Variants in ENTREP2 observed in about 807,000 individuals in gnomAD.
ENTREP2 encodes endosomal transmembrane epsin interactor 2.
chr15:29,306,551 G>A, the ENTREP2 span, among the ~76,000 whole-genome samples: 1 of 151,202 alleles, frequency 6.6e-6, no homozygotes, highest in South Asian at 2.1e-4. Flanking sequence ...ATTTTTAAAA[G>A]CACATACTTG....
At chr15:29,552,511 A>T in the ENTREP2 span, among the ~76,000 whole-genome samples, 1 of 152,056 alleles carries the variant, frequency 6.6e-6, no homozygotes, top group African/African-American at 2.4e-5. Context: ...AGGTGGGAGG[A>T]TCACTTGAGC....
the ENTREP2 span, chr15:29,235,152 G>A: frequency 1.5e-4 from 126 of 831,660 alleles, no homozygotes; most frequent in Middle Eastern, 9.4e-4. Context: ...CTGCCTGAGC[G>A]AGGTGGGAGG....
chr15:29,635,406 G>A, the ENTREP2 span, among the ~76,000 whole-genome samples: 1 of 152,180 alleles, frequency 6.6e-6, no homozygotes, highest in Non-Finnish European at 1.5e-5. Flanking sequence ...CAGGGGCCAT[G>A]CTGGGTCTCC....
At chr15:29,570,605 A>G in the ENTREP2 span, 1 of 1,460,322 alleles carries the variant, frequency 6.8e-7, no homozygotes, top group Non-Finnish European at 9.0e-7. Flanking sequence ...TCCGAGCGCC[A>G]TCTGCGTGGC....
chr15:29,434,957 G>GA, the ENTREP2 span, among the ~76,000 whole-genome samples: 2 of 152,152 alleles, frequency 1.3e-5, no homozygotes, highest in East Asian at 3.9e-4. Context: ...GGCTCCCAGG[G>GA]AATCTCAGCT....
chr15:29,134,422 T>G, the ENTREP2 span, among the ~76,000 whole-genome samples: 2 of 152,066 alleles, frequency 1.3e-5, no homozygotes, highest in East Asian at 3.9e-4. Context: ...CTGCTCCAGG[T>G]GTTTCAGGGT....
the ENTREP2 span, among the ~76,000 whole-genome samples, chr15:29,458,961 C>A: frequency 6.6e-6 from 1 of 152,106 alleles, no homozygotes; most frequent in African/African-American, 2.4e-5. Context: ...AGCAGGTGTC[C>A]GGTGCTGATT....
At chr15:29,188,784 C>T in the ENTREP2 span, among the ~76,000 whole-genome samples, 1 of 152,180 alleles carries the variant, frequency 6.6e-6, no homozygotes, top group Admixed American at 6.5e-5. Flanking sequence ...TTGGGGCTTT[C>T]AGCCCCACTC....
chr15:29,457,134 G>A, the ENTREP2 span, among the ~76,000 whole-genome samples: 1 of 152,124 alleles, frequency 6.6e-6, no homozygotes, highest in Non-Finnish European at 1.5e-5. Flanking sequence ...TCTCAAAAAG[G>A]AGCACGACTT....
the ENTREP2 span, among the ~76,000 whole-genome samples, chr15:29,201,432 T>C: frequency 2.6e-4 from 39 of 152,332 alleles, no homozygotes; most frequent in African/African-American, 9.4e-4. Context: ...CTTTTTCAAG[T>C]TGAGGACGTT....
the ENTREP2 span, chr15:29,268,787 C>T: frequency 6.3e-7 from 1 of 1,598,402 alleles, no homozygotes; most frequent in Non-Finnish European, 8.5e-7. Flanking sequence ...TCTGAATCCA[C>T]CTTTCAAGAG....
At chr15:29,299,723 CTA>C in the ENTREP2 span, among the ~76,000 whole-genome samples, 2 of 152,098 alleles carry the variant, frequency 1.3e-5, no homozygotes, top group African/African-American at 4.8e-5. Flanking sequence ...TACTTTTATT[CTA>C]TGTCTTCCCT....
the ENTREP2 span, among the ~76,000 whole-genome samples, chr15:29,490,296 G>A: frequency 5.7e-3 from 874 of 152,330 alleles, 4 homozygotes; most frequent in South Asian, 0.02. Context: ...GAACTTCGCT[G>A]TGAGTATTAC....
the ENTREP2 span, among the ~76,000 whole-genome samples, chr15:29,359,132 A>G: frequency 1.3e-5 from 2 of 152,224 alleles, no homozygotes; most frequent in African/African-American, 4.8e-5. Context: ...AAAGAGCCGC[A>G]GTGAATATGA....
the ENTREP2 span, chr15:29,570,746 C>G: frequency 4.1e-5 from 38 of 915,974 alleles, no homozygotes; most frequent in African/African-American, 7.5e-4. Flanking sequence ...CCGCACGCCT[C>G]GCCCGCTCCC....
chr15:29,424,786 G>A, the ENTREP2 span, among the ~76,000 whole-genome samples: 2 of 152,252 alleles, frequency 1.3e-5, no homozygotes, highest in South Asian at 2.1e-4. Context: ...TCTGAAAGTT[G>A]TCTTCTGCAC....
chr15:29,475,066 T>TA, the ENTREP2 span, among the ~76,000 whole-genome samples: 4 of 151,884 alleles, frequency 2.6e-5, no homozygotes, highest in Non-Finnish European at 5.9e-5. Context: ...CCCTCCACCA[T>TA]AAAAAGCACA....
chr15:29,492,064 A>AT, the ENTREP2 span, among the ~76,000 whole-genome samples: 366 of 147,962 alleles, frequency 2.5e-3, 3 homozygotes, highest in African/African-American at 6.1e-3. Flanking sequence ...TGTTGGTTTG[A>AT]TTTTTTTTTT....
the ENTREP2 span, among the ~76,000 whole-genome samples, chr15:29,596,536 C>T: frequency 6.6e-6 from 1 of 152,222 alleles, no homozygotes; most frequent in African/African-American, 2.4e-5. Flanking sequence ...TCATTCATTT[C>T]CAAAGATACC....
Sources: gnomAD v4.1 joint callset for allele counts (sites outside exome capture counted in the v4.1 genomes callset) on GRCh38, gnomAD v4.1.1 for gene constraint, MANE v1.5 for transcripts, NCBI Gene and HGNC (gene_info 2026-07-23, HGNC 2026-07-21) for gene names.